LRRTM4: variants seen among roughly 807,000 people sequenced by gnomAD.
LRRTM4 encodes the protein leucine-rich repeat transmembrane neuronal protein 4.
In LRRTM4, 25 loss-of-function variants were observed where a neutral mutation model predicts 47.6. The observed-to-expected ratio is 0.53, with a 90% CI of 0.38 to 0.73. The LOEUF is 0.73. Among genes scored for constraint, LRRTM4 ranks in the 30% least tolerant of loss-of-function variants. The pLI, the probability that LRRTM4 is intolerant of heterozygous loss-of-function variation, is 0.00. For missense variants in LRRTM4, 638 were observed against 713.4 expected (o/e 0.89, Z 1.20); for synonymous variants, 311 against 269.5 (o/e 1.15, Z -1.51).
chr2:77,410,763 C>T (rs1176356250), intron 3 of LRRTM4, among the ~76,000 whole-genome samples: 2 of 152,124 alleles, frequency 1.3e-5, no homozygotes, highest in Non-Finnish European at 2.9e-5. Context: ...TTATTAAAAT[C>T]ACATCCTAAG....
intron 3 of LRRTM4, among the ~76,000 whole-genome samples, chr2:76,874,569 G>T (rs564211785): frequency 7.2e-4 from 109 of 151,840 alleles, no homozygotes; most frequent in Non-Finnish European, 9.7e-4. Context: ...GAATAGCTGT[G>T]TAAAGTCCTA....
intron 3 of LRRTM4, among the ~76,000 whole-genome samples, chr2:76,857,931 G>A (rs1573219773): frequency 6.6e-6 from 1 of 152,096 alleles, no homozygotes; most frequent in South Asian, 2.1e-4. Context: ...CAACTGGGAA[G>A]TTTACTCCAA....
At chr2:77,350,857 T>C (rs990978283) in intron 3 of LRRTM4, among the ~76,000 whole-genome samples, 37 of 152,204 alleles carry the variant, frequency 2.4e-4, no homozygotes, top group African/African-American at 8.2e-4. Flanking sequence ...AAGACTTCAC[T>C]GTAGTGAAAT....
intron 3 of LRRTM4, among the ~76,000 whole-genome samples, chr2:76,885,698 G>A (rs1009544953): frequency 2.0e-5 from 3 of 151,844 alleles, no homozygotes; most frequent in East Asian, 2.0e-4. Flanking sequence ...ATCTCCTGAC[G>A]TCGTGATCCG....
At chr2:77,078,519 T>C (rs916327459) in intron 3 of LRRTM4, among the ~76,000 whole-genome samples, 1 of 152,138 alleles carries the variant, frequency 6.6e-6, no homozygotes, top group Non-Finnish European at 1.5e-5. Flanking sequence ...ATAAAGTGTA[T>C]ATATTTTTAT....
At chr2:77,002,450 T>A (rs182879077) in intron 3 of LRRTM4, among the ~76,000 whole-genome samples, 2 of 152,260 alleles carry the variant, frequency 1.3e-5, no homozygotes, top group Admixed American at 1.3e-4. Flanking sequence ...AGTATATGGG[T>A]CTGTTTCCCC....
intron 3 of LRRTM4, among the ~76,000 whole-genome samples, chr2:77,067,809 A>G (rs1680011551): frequency 6.6e-6 from 1 of 152,084 alleles, no homozygotes; most frequent in Admixed American, 6.6e-5. Flanking sequence ...GTAGCCTCAC[A>G]TCAGAAAGTC....
intron 3 of LRRTM4, among the ~76,000 whole-genome samples, chr2:77,400,370 T>C (rs541297016): frequency 5.3e-5 from 8 of 151,850 alleles, no homozygotes; most frequent in Non-Finnish European, 1.2e-4. Context: ...AGAACTGTCA[T>C]TGATTTCTTT....
At chr2:77,430,025 C>T (rs1675300462) in intron 3 of LRRTM4, among the ~76,000 whole-genome samples, 1 of 151,832 alleles carries the variant, frequency 6.6e-6, no homozygotes, top group South Asian at 2.1e-4. Flanking sequence ...GCAATTCTGC[C>T]ACTGCACTCC....
chr2:77,235,310 T>G (rs1299220593), intron 3 of LRRTM4, among the ~76,000 whole-genome samples: 3 of 152,200 alleles, frequency 2.0e-5, no homozygotes, highest in Non-Finnish European at 4.4e-5. Context: ...TTTTCATGTT[T>G]GTTGGCTGCT....
intron 3 of LRRTM4, among the ~76,000 whole-genome samples, chr2:77,011,865 A>G (rs1468113654): frequency 6.6e-6 from 1 of 151,854 alleles, no homozygotes; most frequent in Admixed American, 6.6e-5. Flanking sequence ...TTTACTGGGG[A>G]GATTTTTATC....
At chr2:77,072,693 G>C (rs1680194342) in intron 3 of LRRTM4, among the ~76,000 whole-genome samples, 1 of 151,318 alleles carries the variant, frequency 6.6e-6, no homozygotes, top group Admixed American at 6.6e-5. Flanking sequence ...CAGCTACTCG[G>C]GAGGCTGAGG....
chr2:77,191,209 A>C (rs1189563904), intron 3 of LRRTM4, among the ~76,000 whole-genome samples: 1 of 152,156 alleles, frequency 6.6e-6, no homozygotes, highest in African/African-American at 2.4e-5. Context: ...GAGTAATACC[A>C]GTTTAAATTC....
intron 3 of LRRTM4, among the ~76,000 whole-genome samples, chr2:77,082,315 A>T (rs1409588951): frequency 1.3e-5 from 2 of 151,924 alleles, no homozygotes; most frequent in Non-Finnish European, 2.9e-5. Flanking sequence ...TATTTCTTGG[A>T]CACTTATGAT....
chr2:76,853,000 C>G (rs10165732), intron 3 of LRRTM4, among the ~76,000 whole-genome samples: 58,165 of 151,872 alleles, frequency 0.38, 12,223 homozygotes, highest in East Asian at 0.63. Context: ...GGAAAAGGGC[C>G]TGATTCTGTG....
At chr2:77,285,340 T>TTATATATATATATATATATATA (rs10527679) in intron 3 of LRRTM4, among the ~76,000 whole-genome samples, 5,459 of 82,044 alleles carry the variant, frequency 0.067, 798 homozygotes, top group Non-Finnish European at 0.084. Flanking sequence ...AGCATTAAAT[T>TTATATATATATATATATATATA]TATATATATA....
intron 3 of LRRTM4, among the ~76,000 whole-genome samples, chr2:77,076,779 A>C (rs1680350678): frequency 6.6e-6 from 1 of 152,160 alleles, no homozygotes; most frequent in Admixed American, 6.5e-5. Flanking sequence ...TTCATTGTCC[A>C]AAGTATCGAT....
At chr2:77,426,464 G>A (rs1230766031) in intron 3 of LRRTM4, among the ~76,000 whole-genome samples, 5 of 152,026 alleles carry the variant, frequency 3.3e-5, no homozygotes, top group Admixed American at 6.6e-5. Context: ...GCACAAATTT[G>A]CCAACTTTCC....
chr2:77,403,816 G>A (rs1674060327), intron 3 of LRRTM4, among the ~76,000 whole-genome samples: 1 of 150,796 alleles, frequency 6.6e-6, no homozygotes, highest in African/African-American at 2.5e-5. Context: ...CTAATTGTTG[G>A]TTTGGGTTTT....
Sources: gnomAD v4.1 joint callset for allele counts (sites outside exome capture counted in the v4.1 genomes callset) on GRCh38, gnomAD v4.1.1 for gene constraint, MANE v1.5 for transcripts, NCBI Gene and HGNC (gene_info 2026-07-23, HGNC 2026-07-21) for gene names.